Variants in CAMTA1 observed in about 807,000 individuals in gnomAD.
CAMTA1 encodes calmodulin-binding transcription activator 1.
Under a neutral mutation model 170.9 loss-of-function variants are expected in CAMTA1, and 27 were observed. That is an observed-to-expected ratio of 0.16 (90% CI 0.12 to 0.22). The LOEUF (loss-of-function observed/expected upper bound fraction) is 0.22. CAMTA1 is among the 10% of genes least tolerant of loss of function. The probability of loss-of-function intolerance (pLI) is 1.00; values close to 1 mark genes in which losing one functional copy is unlikely to be tolerated. For synonymous variants in CAMTA1, 833 were observed against 891.5 expected (o/e 0.93, Z 1.17); for missense variants, 1,619 against 2,217.2 (o/e 0.73, Z 5.42).
intron 4 of CAMTA1, among the ~76,000 whole-genome samples, chr1:7,137,226 A>T (rs1645596184): frequency 6.6e-6 from 1 of 152,156 alleles, no homozygotes; most frequent in Non-Finnish European, 1.5e-5. Flanking sequence ...GAAGCCATCA[A>T]CTTATTCGAA....
At chr1:7,186,198 T>A (rs192130863) in intron 4 of CAMTA1, among the ~76,000 whole-genome samples, 1 of 151,840 alleles carries the variant, frequency 6.6e-6, no homozygotes, top group Non-Finnish European at 1.5e-5. Flanking sequence ...GAAGGAAGGG[T>A]AAAGAAAGCA....
chr1:6,794,064 A>G (rs139652694), intron 1 of CAMTA1, among the ~76,000 whole-genome samples: 2 of 152,360 alleles, frequency 1.3e-5, no homozygotes, highest in East Asian at 3.9e-4. Context: ...GATGACTGGA[A>G]GTATAAATTC....
At chr1:7,031,221 A>G (rs564254370) in intron 3 of CAMTA1, among the ~76,000 whole-genome samples, 5 of 152,060 alleles carry the variant, frequency 3.3e-5, no homozygotes, top group East Asian at 3.9e-4. Flanking sequence ...TTGTATTTCT[A>G]TCAGTTTTTG....
chr1:7,038,847 A>G (rs1009056913), intron 3 of CAMTA1, among the ~76,000 whole-genome samples: 1 of 152,070 alleles, frequency 6.6e-6, no homozygotes, highest in Non-Finnish European at 1.5e-5. Flanking sequence ...CGAGACCAGT[A>G]TGGCCAACAT....
chr1:6,872,391 A>G (rs1259449489), intron 3 of CAMTA1, among the ~76,000 whole-genome samples: 4 of 152,216 alleles, frequency 2.6e-5, no homozygotes, highest in African/African-American at 4.8e-5. Context: ...TTTGGGGAGA[A>G]AAAGCTTAGA....
chr1:7,226,250 C>T (rs920566971), intron 4 of CAMTA1, among the ~76,000 whole-genome samples: 3 of 152,136 alleles, frequency 2.0e-5, no homozygotes, highest in African/African-American at 7.2e-5. Flanking sequence ...ATTCCCGCCC[C>T]GCCACCTCAC....
At chr1:7,497,143 G>T (rs1295339996) in intron 6 of CAMTA1, among the ~76,000 whole-genome samples, 1 of 152,130 alleles carries the variant, frequency 6.6e-6, no homozygotes, top group Non-Finnish European at 1.5e-5. Flanking sequence ...GAGGCCACTC[G>T]CTGAATGGCT....
At chr1:6,956,490 A>T (rs1689479210) in intron 3 of CAMTA1, among the ~76,000 whole-genome samples, 1 of 152,126 alleles carries the variant, frequency 6.6e-6, no homozygotes, top group African/African-American at 2.4e-5. Flanking sequence ...ATTACAGTAT[A>T]GTTGTGAGAT....
chr1:7,128,452 C>T (rs1645057184), intron 4 of CAMTA1, among the ~76,000 whole-genome samples: 1 of 152,120 alleles, frequency 6.6e-6, no homozygotes, highest in South Asian at 2.1e-4. Flanking sequence ...TAGAAAGCAT[C>T]CTTGGCAAAT....
intron 6 of CAMTA1, among the ~76,000 whole-genome samples, chr1:7,631,420 C>G (rs1282467861): frequency 6.6e-6 from 1 of 152,212 alleles, no homozygotes; most frequent in Non-Finnish European, 1.5e-5. Context: ...ACTCAGCCCT[C>G]AAAGGCACTC....
intron 4 of CAMTA1, among the ~76,000 whole-genome samples, chr1:7,124,272 C>G (rs1167036882): frequency 6.6e-6 from 1 of 152,200 alleles, no homozygotes; most frequent in African/African-American, 2.4e-5. Context: ...TCCCAGACAC[C>G]TGTCCCCTGT....
intron 3 of CAMTA1, among the ~76,000 whole-genome samples, chr1:6,995,567 G>T (rs900569503): frequency 2.3e-4 from 35 of 152,026 alleles, no homozygotes; most frequent in Non-Finnish European, 8.8e-5. Context: ...CTCCCAAAGT[G>T]CTGGGATTAC....
chr1:7,744,785 C>T (rs1279705393), intron 16 of CAMTA1, 50 bp from the exon 17 acceptor site: 2 of 1,542,576 alleles, frequency 1.3e-6, no homozygotes, highest in South Asian at 1.2e-5. Context: ...ACCTGGATAA[C>T]TTGTAAGGTT....
chr1:6,977,289 C>T lies in CAMTA1; in HGVS notation c.235-114015C>T, dbSNP rs1047823530. 9.9e-5 allele frequency among the ~76,000 whole-genome samples: 15 copies of T among 151,900 alleles called. No individual in the cohort carries two copies. In the South Asian group the frequency reaches 1.7e-3, roughly 17 times the overall value. On this transcript the variant is annotated intron_variant, in intron 3 of 22. Coordinates refer to ENST00000303635, the MANE Select transcript of CAMTA1 (RefSeq NM_015215.4). ...CTCTTGCCGCATACTTCTGTTCACT[C>T]GGTGCCAGTGGGGTTATGTTGGAGC... is the stretch of plus-strand genomic sequence containing the variant.
chr1:7,449,712 G>C (rs939837631), intron 5 of CAMTA1, among the ~76,000 whole-genome samples: 1 of 147,104 alleles, frequency 6.8e-6, no homozygotes, highest in Admixed American at 6.8e-5. Context: ...GGAGGTTGCA[G>C]TGAGCCGAAA....
At chr1:7,398,933 C>A (rs1275522250) in intron 5 of CAMTA1, among the ~76,000 whole-genome samples, 3 of 152,102 alleles carry the variant, frequency 2.0e-5, no homozygotes, top group Non-Finnish European at 4.4e-5. Flanking sequence ...TTACCCTAAC[C>A]ACTCCCCCAT....
intron 3 of CAMTA1, among the ~76,000 whole-genome samples, chr1:7,015,911 G>C (rs1350603185): frequency 2.6e-5 from 4 of 152,162 alleles, no homozygotes; most frequent in African/African-American, 7.2e-5. Context: ...GGAGGAAGAG[G>C]GTGAAGGGAC....
At position 7,766,565 on chromosome 1, in the gene CAMTA1, C is replaced by A; in HGVS notation, c.*74C>A. 7.6e-7 allele frequency: 1 copy of A among 1,310,250 alleles called. No homozygotes were observed. Among genetic ancestry groups the A allele is most frequent in the Non-Finnish European group, 1.1e-6 (1 of 904,176 alleles). The allele number at this position is 1,310,250 out of a possible 1,614,324, so 81.2% of individuals were successfully genotyped here. On this transcript the variant is annotated 3_prime_UTR_variant, in exon 23 of 23. Coordinates refer to ENST00000303635, the MANE Select transcript of CAMTA1 (RefSeq NM_015215.4). ...TTTTCATTTCTGTTTTTAGCAGAGA[C>A]ATGCAACAACAACACACACGCACAC...
intron 5 of CAMTA1, among the ~76,000 whole-genome samples, chr1:7,446,608 G>A (rs992545933): frequency 1.3e-5 from 2 of 152,232 alleles, no homozygotes; most frequent in Non-Finnish European, 2.9e-5. Context: ...CATGTGGCTT[G>A]TAGTGGTGCA....
Sources: gnomAD v4.1 joint callset for allele counts (sites outside exome capture counted in the v4.1 genomes callset) on GRCh38, gnomAD v4.1.1 for gene constraint, MANE v1.5 for transcripts, NCBI Gene and HGNC (gene_info 2026-07-23, HGNC 2026-07-21) for gene names.